Variants in WDFY3 observed in about 807,000 individuals in gnomAD.
WDFY3 encodes WD repeat and FYVE domain containing 3, also known as WD repeat and FYVE domain-containing protein 3.
WDFY3 carries 66 observed loss-of-function variants against 409.6 expected under a neutral mutation model. That is an observed-to-expected ratio of 0.16 (90% CI 0.13 to 0.20). WDFY3 has a LOEUF of 0.20. Among genes scored for constraint, WDFY3 ranks in the 10% least tolerant of loss-of-function variants. The pLI is 1.00. For synonymous variants in WDFY3, 1,521 were observed against 1,537.1 expected, an observed-to-expected ratio of 0.99 and a Z score of 0.25; for missense variants, 3,031 against 4,298.1, an observed-to-expected ratio of 0.71 and a Z score of 8.24.
chr4:84,822,030 A>C (rs1259150319), intron 10 of WDFY3, among the ~76,000 whole-genome samples: 1 of 152,160 alleles, frequency 6.6e-6, no homozygotes, highest in Non-Finnish European at 1.5e-5. Context: ...TAATTAGAAC[A>C]CTGTGATTTT....
intron 64 of WDFY3, among the ~76,000 whole-genome samples, 161 bp from the exon 65 acceptor site, chr4:84,679,403 A>G (rs749659923): frequency 2.0e-5 from 3 of 152,220 alleles, no homozygotes; most frequent in African/African-American, 4.8e-5. Context: ...ATTTTTGGCT[A>G]GAGTACAGAG....
At chr4:84,947,547 TAATA>T (rs1335381172) in intron 1 of WDFY3, among the ~76,000 whole-genome samples, 1 of 139,824 alleles carries the variant, frequency 7.2e-6, no homozygotes, top group Non-Finnish European at 1.6e-5. Context: ...ATAATAAAAA[TAATA>T]AATAAATAAA....
intron 3 of WDFY3, among the ~76,000 whole-genome samples, chr4:84,866,497 C>A (rs1037389345): frequency 6.6e-6 from 1 of 152,236 alleles, no homozygotes; most frequent in African/African-American, 2.4e-5. Context: ...CTTTCCACCA[C>A]GTCCTAGATG....
At chr4:84,787,067 G>A (rs1275398690) in intron 23 of WDFY3, among the ~76,000 whole-genome samples, 3 of 152,182 alleles carry the variant, frequency 2.0e-5, no homozygotes, top group African/African-American at 7.2e-5. Context: ...AAAGAAATGA[G>A]GAAAAATAAT....
intron 36 of WDFY3, among the ~76,000 whole-genome samples, chr4:84,747,173 C>T (rs1420268542): frequency 1.3e-5 from 2 of 152,154 alleles, no homozygotes; most frequent in Non-Finnish European, 2.9e-5. Flanking sequence ...CATCAGTCTC[C>T]TTTTTAAGGT....
At chr4:84,743,582 G>A (rs1366423629) in intron 37 of WDFY3, 118 bp downstream of exon 37, 1 of 567,400 alleles carries the variant, frequency 1.8e-6, no homozygotes, top group Admixed American at 4.2e-5. Flanking sequence ...ATAATGTTGA[G>A]TATGAGAAGC....
At chr4:84,932,997 A>C (rs1770959984) in intron 1 of WDFY3, among the ~76,000 whole-genome samples, 1 of 152,140 alleles carries the variant, frequency 6.6e-6, no homozygotes, top group Non-Finnish European at 1.5e-5. Flanking sequence ...TTAGGCCTCT[A>C]GTAACTCTGC....
At chr4:84,820,560 T>C (rs893289856) in intron 11 of WDFY3, among the ~76,000 whole-genome samples, 1 of 152,132 alleles carries the variant, frequency 6.6e-6, no homozygotes, top group African/African-American at 2.4e-5. Flanking sequence ...CTATTCAACC[T>C]GTATTAATTC....
At chr4:84,842,476 CAAA>C (rs552074328) in intron 5 of WDFY3, among the ~76,000 whole-genome samples, 1 of 129,140 alleles carries the variant, frequency 7.7e-6, no homozygotes, top group Admixed American at 7.9e-5. Context: ...GACTCTGTCT[CAAA>C]AAAAAAAAAA....
chr4:84,747,495 G>C (rs374978175), intron 36 of WDFY3, among the ~76,000 whole-genome samples: 29 of 152,044 alleles, frequency 1.9e-4, no homozygotes, highest in African/African-American at 5.8e-4. Flanking sequence ...TATGACAATG[G>C]GGAGCTCTTG....
At chr4:84,893,337 T>C (rs936237866) in intron 3 of WDFY3, among the ~76,000 whole-genome samples, 6 of 152,226 alleles carry the variant, frequency 3.9e-5, no homozygotes, top group Non-Finnish European at 8.8e-5. Flanking sequence ...CTATAGATAT[T>C]TGCATACTTC....
chr4:84,783,910 G>A (rs907252896), intron 24 of WDFY3, among the ~76,000 whole-genome samples: 6 of 149,066 alleles, frequency 4.0e-5, no homozygotes, highest in South Asian at 2.1e-4. Context: ...AAAGCTCTGC[G>A]TAAGAGTTGT....
rs569144079 is a variant in WDFY3, at chr4:84,696,588, T to G, written c.8688+144A>C. The G allele has an allele frequency of 1.5e-4, 101 of 689,482 alleles. No individual in the cohort carries two copies. In the African/African-American group the frequency reaches 1.7e-3, roughly 12 times the overall value. The allele number at this position is 689,482 out of a possible 1,614,324, so 42.7% of individuals were successfully genotyped here. Reference sequence around the variant, plus strand: ...TCCTGGTTTCAGGCATCAACTGGGGTTCTTGGGATGTATCCCCTGTAGATA... The same window carrying G: ...TCCTGGTTTCAGGCATCAACTGGGGGTCTTGGGATGTATCCCCTGTAGATA... On this transcript the variant is annotated intron_variant, in intron 57 of 67. Transcript: ENST00000295888.
chr4:84,681,522 C>T (rs1265994709), intron 64 of WDFY3, among the ~76,000 whole-genome samples: 1 of 152,248 alleles, frequency 6.6e-6, no homozygotes, highest in Non-Finnish European at 1.5e-5. Flanking sequence ...TCTTCTCTGG[C>T]ATGGAAAGTA....
At chr4:84,883,305 A>ATATAT (rs1241353481) in intron 3 of WDFY3, among the ~76,000 whole-genome samples, 5 of 152,160 alleles carry the variant, frequency 3.3e-5, no homozygotes, top group African/African-American at 1.2e-4. Context: ...TAGCTTTTTA[A>ATATAT]TATATTAGGT....
chr4:84,911,023 T>C (rs1357133072), intron 2 of WDFY3, among the ~76,000 whole-genome samples: 1 of 151,908 alleles, frequency 6.6e-6, no homozygotes, highest in Admixed American at 6.6e-5. Flanking sequence ...CCTAGCCCAA[T>C]GGTTTCTTAA....
At chr4:84,693,755 C>T (rs192237549) in intron 58 of WDFY3, among the ~76,000 whole-genome samples, 2 of 151,890 alleles carry the variant, frequency 1.3e-5, no homozygotes, top group African/African-American at 2.4e-5. Flanking sequence ...ATTAGCTGGG[C>T]GTGGTGGTAC....
intron 36 of WDFY3, among the ~76,000 whole-genome samples, chr4:84,747,441 T>G (rs1739665009): frequency 6.6e-6 from 1 of 152,194 alleles, no homozygotes. Context: ...CATTGTTTTT[T>G]GCTTGTTTCC....
At chr4:84,807,591 TG>T (rs1472933106) in intron 15 of WDFY3, among the ~76,000 whole-genome samples, 1 of 152,218 alleles carries the variant, frequency 6.6e-6, no homozygotes, top group African/African-American at 2.4e-5. Context: ...GACTTATTTT[TG>T]GTTATGAGGA....
Sources: allele counts gnomAD v4.1 joint callset (sites outside exome capture counted in the v4.1 genomes callset), GRCh38; gene constraint gnomAD v4.1.1; transcripts MANE v1.5; gene names NCBI Gene and HGNC (gene_info 2026-07-23, HGNC 2026-07-21).